Variants in ASAP3 observed in about 807,000 individuals in gnomAD.
ASAP3 encodes the protein ArfGAP with SH3 domain, ankyrin repeat and PH domain 3, also known as arf-GAP with SH3 domain, ANK repeat and PH domain-containing protein 3.
ASAP3 carries 85 observed loss-of-function variants against 118.2 expected under a neutral mutation model. The observed-to-expected ratio is 0.72, with a 90% CI of 0.60 to 0.86. The LOEUF (loss-of-function observed/expected upper bound fraction) is 0.86, where lower values mean the gene tolerates loss of function less well. Ranked by LOEUF, ASAP3 falls within the 40% of genes least tolerant of loss-of-function variation. The pLI is 0.00. For missense variants in ASAP3, 1,026 were observed against 1,175.0 expected (o/e 0.87, Z 1.85); for synonymous variants, 432 against 477.4 (o/e 0.90, Z 1.24).
chr1:23,453,934 C>G (rs188965262), intron 3 of ASAP3, among the ~76,000 whole-genome samples: 1 of 152,196 alleles, frequency 6.6e-6, no homozygotes, highest in African/African-American at 2.4e-5. Context: ...GTCCACTAGA[C>G]AGCAGACCCC....
intron 23 of ASAP3, 52 bp from the exon 24 acceptor site, chr1:23,431,177 G>A (rs1196433972): frequency 6.5e-7 from 1 of 1,533,786 alleles, no homozygotes; most frequent in Non-Finnish European, 8.8e-7. Flanking sequence ...GAGCCCCTCA[G>A]AGTGGGGAGA....
intron 24 of ASAP3, among the ~76,000 whole-genome samples, chr1:23,430,638 G>A (rs1640391798): frequency 6.6e-6 from 1 of 152,286 alleles, no homozygotes; most frequent in East Asian, 1.9e-4. Context: ...GACTGGCCTG[G>A]CTAACACAAC....
chr1:23,435,952 G>T lies in ASAP3; in HGVS notation c.1648C>A (p.Arg550=), dbSNP rs753407192. The T allele has an allele frequency of 6.2e-7, 1 of 1,614,254 alleles. No individual in the cohort carries two copies. Among genetic ancestry groups the T allele is most frequent in the South Asian group, 1.1e-5 (1 of 91,080 alleles). The change falls in exon 17 of 25, where the codon CGA becomes AGA. Residue 550 remains arginine, a synonymous_variant. Coordinates refer to ENST00000336689, the MANE Select transcript of ASAP3 (RefSeq NM_017707.4). ...CTGTTGCAAATGGCTGTCCAGAGTC[G>T]CTGAGGCTCAGGTGTGCACCGGCGT... ...FARRCTPEPQ[R]LWTAICNRDL...
chr1:23,482,792 C>CA (rs568815635), intron 1 of ASAP3, among the ~76,000 whole-genome samples: 3,278 of 148,364 alleles, frequency 0.022, 43 homozygotes, highest in Non-Finnish European at 0.033. Context: ...ACTAAAAATA[C>CA]AAAAAAAAAA....
chr1:23,461,252 C>T (rs1366116767), intron 1 of ASAP3, among the ~76,000 whole-genome samples: 2 of 152,076 alleles, frequency 1.3e-5, no homozygotes, highest in African/African-American at 4.8e-5. Context: ...ACAAATGTAC[C>T]ACTCTGGTAA....
rs952384242 is a variant in ASAP3 at position 23,436,157 on chromosome 1, G to C, written c.1572-129C>G. 6 of 1,046,468 alleles carry C rather than the reference G, an allele frequency of 5.7e-6. No homozygotes were observed. The highest frequency in any genetic ancestry group is 8.3e-6 in the Non-Finnish European group (6 of 721,104). The allele number at this position is 1,046,468 out of a possible 1,614,324, so 64.8% of individuals were successfully genotyped here. A position where few individuals can be genotyped will look rare whatever the true frequency, so the allele number is the denominator to read the frequency against. ...TGTCCTGAAGACGTCTAGATCTGAGGCTCCCCTCTCCCCAGGCTTTTTTTT... is the reference window on the plus strand; with the variant it reads ...TGTCCTGAAGACGTCTAGATCTGAGCCTCCCCTCTCCCCAGGCTTTTTTTT... On this transcript the variant is annotated intron_variant, in intron 16 of 24. Coordinates refer to ENST00000336689, the MANE Select transcript of ASAP3 (RefSeq NM_017707.4). This position sits in a 1 kb window ranked among gnomAD's most constrained non-coding sequence, Gnocchi z 4.2.
Position 23,437,280 on chromosome 1 carries a change from T to C in ASAP3, c.1192A>G (p.Ser398Gly), listed in dbSNP as rs1325835739. 6.2e-7 allele frequency: 1 copy of C among 1,604,094 alleles called. No homozygotes were observed. Among genetic ancestry groups the C allele is most frequent in the African/African-American group, 1.3e-5 (1 of 74,774 alleles). The change falls in exon 14 of 25, where the codon AGC becomes GGC. Residue 398 changes from serine (S) to glycine (G), a missense_variant. Coordinates refer to ENST00000336689, the MANE Select transcript of ASAP3 (RefSeq NM_017707.4). The surrounding 1 kb of genome is among the most constrained non-coding windows in gnomAD (Gnocchi z 6.1). The part of the protein sequence containing the change: ...VLQNSKDEAL[S>G]SAFLGEPSAG... ...CTGGGCTCCCCGAGGAAGGCGCTGC[T>C]CAGGGCTTCGTCCTTGCTGTTCTGC... is the stretch of plus-strand genomic sequence containing the variant.
rs377237460 is a variant in ASAP3, at chr1:23,435,167, AC to A, written c.1750-550del. On this transcript the variant is annotated intron_variant, in intron 17 of 24. Transcript: ENST00000336689. ...CTCAGCCTTCTGAGTAGCTGGGACC[AC>A]AGGTGTGTGCCACCATACCCAGCTA... is the stretch of plus-strand genomic sequence containing the variant. Among the ~76,000 whole-genome samples the A allele has an allele frequency of 3.9e-4, 60 of 152,322 alleles. No homozygotes were observed. In the East Asian group the frequency reaches 0.012, roughly 29 times the overall value.
At chr1:23,453,374 A>G (rs974327462) in intron 3 of ASAP3, among the ~76,000 whole-genome samples, 2 of 152,138 alleles carry the variant, frequency 1.3e-5, no homozygotes, top group African/African-American at 4.8e-5. Flanking sequence ...GATAGGGAAC[A>G]GGCACGCACC....
chr1:23,456,078 G>C, intron 2 of ASAP3, 44 bp downstream of exon 2: 1 of 1,614,066 alleles, frequency 6.2e-7, no homozygotes, highest in South Asian at 1.1e-5. Context: ...GGGGCTGGGA[G>C]AGGGGCTTCC....
At chr1:23,464,573 G>GC (rs1641701264) in intron 1 of ASAP3, among the ~76,000 whole-genome samples, 1 of 146,640 alleles carries the variant, frequency 6.8e-6, no homozygotes. Flanking sequence ...GATGAGAGGA[G>GC]CCCTTGAGCC....
chr1:23,444,499 T>G (rs1640984950), intron 5 of ASAP3, among the ~76,000 whole-genome samples: 1 of 152,256 alleles, frequency 6.6e-6, no homozygotes, highest in African/African-American at 2.4e-5. Flanking sequence ...GCTTGCTGGC[T>G]GCATTTATTC....
intron 1 of ASAP3, among the ~76,000 whole-genome samples, chr1:23,461,212 G>C (rs1482237616): frequency 2.0e-5 from 3 of 152,132 alleles, no homozygotes; most frequent in Admixed American, 2.0e-4. Context: ...TGGACTTTTG[G>C]TGATGATGTG....
upstream of ASAP3, chr1:23,484,452 C>T (rs1169658414): frequency 2.0e-5 from 4 of 198,832 alleles, no homozygotes; most frequent in African/African-American, 9.4e-5. Context: ...CAGACCCCGC[C>T]CCCTGGCGCG....
At chr1:23,431,375 G>A (rs1640425729) in intron 23 of ASAP3, among the ~76,000 whole-genome samples, 1 of 152,220 alleles carries the variant, frequency 6.6e-6, no homozygotes, top group Admixed American at 6.5e-5. Flanking sequence ...GGAGAAGACT[G>A]GATCCTGGGT....
rs114228925 is a variant in ASAP3, at chr1:23,441,104, G to A, written c.942C>T (p.Asp314=). ...TATGTAAGCTCTGAATCACTTACCC[G>A]TCACTTTTCTTGTATAGAAAGCCCA... ...EKVGFLYKKS[D]GIRRVWQKRK... is the part of the protein sequence containing the mutation. Residue 314 remains aspartate, a splice_region_variant and synonymous_variant, in exon 10 of 25, where the codon GAC becomes GAT. Transcript: ENST00000336689. 2.7e-4 allele frequency: 441 copies of A among 1,613,924 alleles called. No homozygotes were observed. The African/African-American group carries it at 5.0e-3, about 18-fold the overall frequency.
chr1:23,476,940 A>G (rs1642148499), intron 1 of ASAP3, among the ~76,000 whole-genome samples: 1 of 152,008 alleles, frequency 6.6e-6, no homozygotes, highest in Admixed American at 6.5e-5. Context: ...GTTCTATGGT[A>G]AATACTAGGG....
At chr1:23,431,440 AG>A (rs1413639631) in intron 23 of ASAP3, among the ~76,000 whole-genome samples, 2 of 152,180 alleles carry the variant, frequency 1.3e-5, no homozygotes, top group East Asian at 1.9e-4. Context: ...TAAGCCACAC[AG>A]GGGGCTAAGC....
chr1:23,452,609 C>A, intron 4 of ASAP3, 88 bp downstream of exon 4: 1 of 1,422,222 alleles, frequency 7.0e-7, no homozygotes, highest in Non-Finnish European at 9.9e-7. Flanking sequence ...ACCTGGCCTC[C>A]ACCCTCAGTC....
Sources: allele counts gnomAD v4.1 joint callset (sites outside exome capture counted in the v4.1 genomes callset), GRCh38; gene constraint gnomAD v4.1.1; non-coding constraint Gnocchi (gnomAD v3.1); transcripts MANE v1.5; gene names NCBI Gene and HGNC (gene_info 2026-07-23, HGNC 2026-07-21).